The following PDE10A variants were observed in gnomAD, a reference collection of about 807,000 sequenced individuals.
PDE10A encodes the protein phosphodiesterase 10A.
A neutral mutation model predicts 97.7 loss-of-function variants in PDE10A; 39 were observed. That is an observed-to-expected ratio of 0.40 (90% confidence interval 0.31 to 0.52). The LOEUF (loss-of-function observed/expected upper bound fraction) is 0.52. Among genes scored for constraint, PDE10A ranks in the 20% least tolerant of loss-of-function variants. The probability of loss-of-function intolerance (pLI) is 0.56; values close to 1 mark genes in which losing one functional copy is unlikely to be tolerated. For synonymous variants in PDE10A, 371 were observed against 376.8 expected (o/e 0.98, Z 0.18); for missense variants, 731 against 1,047.8 (o/e 0.70, Z 4.17).
chr6:165,635,350 G>T (rs1788823202), intron 1 of PDE10A, among the ~76,000 whole-genome samples: 1 of 152,196 alleles, frequency 6.6e-6, no homozygotes, highest in Non-Finnish European at 1.5e-5. Context: ...TATTTCATTG[G>T]TGGGGGTAGT....
intron 1 of PDE10A, among the ~76,000 whole-genome samples, chr6:165,942,320 GCACA>G (rs367658943): frequency 2.0e-5 from 3 of 150,542 alleles, no homozygotes; most frequent in African/African-American, 7.3e-5. Context: ...ACATATATGC[GCACA>G]CACACACACA....
At chr6:165,815,214 G>A (rs746487085) in intron 1 of PDE10A, among the ~76,000 whole-genome samples, 7 of 152,194 alleles carry the variant, frequency 4.6e-5, no homozygotes, top group East Asian at 1.9e-4. Context: ...CAAATGAATC[G>A]ATCAGTTGAC....
At chr6:165,941,372 A>T (rs1489026629) in intron 1 of PDE10A, among the ~76,000 whole-genome samples, 4 of 151,868 alleles carry the variant, frequency 2.6e-5, no homozygotes, top group Admixed American at 1.3e-4. Flanking sequence ...AGGTGGAGAG[A>T]CTCCCTCCAT....
chr6:165,519,392 G>A (rs956209143), intron 2 of PDE10A, among the ~76,000 whole-genome samples: 2 of 151,266 alleles, frequency 1.3e-5, no homozygotes, highest in South Asian at 2.1e-4. Context: ...TTAAACAAAC[G>A]AACAAATACC....
intron 1 of PDE10A, among the ~76,000 whole-genome samples, chr6:165,790,211 GCATCGTATT>G (rs1778609636): frequency 6.6e-6 from 1 of 152,126 alleles, no homozygotes; most frequent in African/African-American, 2.4e-5. Context: ...AGTAAGGAAG[GCATCGTATT>G]CATCCAATGC....
chr6:165,535,130 G>A (rs1783002709), intron 2 of PDE10A, among the ~76,000 whole-genome samples: 1 of 151,918 alleles, frequency 6.6e-6, no homozygotes, highest in Non-Finnish European at 1.5e-5. Flanking sequence ...ATAATCTGTA[G>A]CATTTCTATA....
rs1047821041 is a variant in PDE10A, at chr6:165,738,618, C to G, written c.-614-195050G>C. Among the ~76,000 whole-genome samples the G allele has an allele frequency of 2.3e-4, 35 of 151,902 alleles. 1 individual carries two copies. Among genetic ancestry groups the G allele is most frequent in the Admixed American group, 1.6e-3 (25 of 15,280 alleles). ...CTTCCACAATGGTTGAACTAGTTTA[C>G]AGTCCCACTAACAGTGTAAAAGTGT... On this transcript the variant is annotated intron_variant, in intron 1 of 19. Coordinates refer to the PDE10A transcript ENST00000366882.
At chr6:165,890,222 C>T (rs921313668) in intron 1 of PDE10A, among the ~76,000 whole-genome samples, 14 of 152,068 alleles carry the variant, frequency 9.2e-5, no homozygotes, top group Non-Finnish European at 1.9e-4. Flanking sequence ...AAAGTCACCC[C>T]CAGACTTTCC....
intron 1 of PDE10A, among the ~76,000 whole-genome samples, chr6:165,582,260 T>C (rs1322160313): frequency 2.6e-5 from 4 of 152,180 alleles, no homozygotes; most frequent in Non-Finnish European, 5.9e-5. Flanking sequence ...ATGTAGGCTG[T>C]TTTGAGTAGT....
chr6:165,750,423 C>T (rs1583035262), intron 1 of PDE10A, among the ~76,000 whole-genome samples: 1 of 152,172 alleles, frequency 6.6e-6, no homozygotes, highest in Non-Finnish European at 1.5e-5. Flanking sequence ...GTACCTGGCC[C>T]CCTGGCTGCT....
chr6:165,839,502 T>C (rs188290017), intron 1 of PDE10A, among the ~76,000 whole-genome samples: 16 of 152,336 alleles, frequency 1.1e-4, no homozygotes, highest in Non-Finnish European at 2.1e-4. Context: ...ATTTACAACT[T>C]CTGGAGAGTT....
intron 1 of PDE10A, among the ~76,000 whole-genome samples, chr6:165,602,438 C>T (rs1210779271): frequency 2.0e-5 from 3 of 152,130 alleles, no homozygotes; most frequent in Admixed American, 6.5e-5. Context: ...CCAGAGTGCC[C>T]TTCCACATGT....
At position 165,710,552 on chromosome 6, in the gene PDE10A, C is replaced by T. The variant is rs1791868988; in HGVS notation, c.-614-166984G>A. Reference sequence around the variant, plus strand: ...CTTAGAAACAGAGAAAAGCACTTTTCGTTTTGTATTTTAGAAAATTTGCTT... The same window carrying T: ...CTTAGAAACAGAGAAAAGCACTTTTTGTTTTGTATTTTAGAAAATTTGCTT... On this transcript the variant is annotated intron_variant, in intron 1 of 19. Transcript: ENST00000366882. Among the ~76,000 whole-genome samples, 9 of 152,138 alleles carry T rather than the reference C, an allele frequency of 5.9e-5. No homozygotes were observed. The South Asian group carries it at 1.9e-3, about 32-fold the overall frequency.
In PDE10A at chr6:165,938,364, C is replaced by T. The variant is rs868868580; in HGVS notation, c.-615+49165G>A. ...TTGTCTCCAACTAGAATAAAGGCAACATCCACTCATATCTCTTGTTGTTTT... is the reference window on the plus strand; with the variant it reads ...TTGTCTCCAACTAGAATAAAGGCAATATCCACTCATATCTCTTGTTGTTTT... On this transcript the variant is annotated intron_variant, in intron 1 of 19. Coordinates refer to the PDE10A transcript ENST00000366882. 2.6e-5 allele frequency among the ~76,000 whole-genome samples: 4 copies of T among 152,358 alleles called. No homozygotes were observed. The South Asian group carries it at 8.3e-4, about 32-fold the overall frequency.
At chr6:165,951,004 G>C (rs545559135) in intron 1 of PDE10A, among the ~76,000 whole-genome samples, 21 of 152,148 alleles carry the variant, frequency 1.4e-4, no homozygotes, top group Admixed American at 7.9e-4. Context: ...TAAAAATGTG[G>C]GTTATCTTGG....
At chr6:165,338,011 G>C (rs1781749920) in intron 20 of PDE10A, among the ~76,000 whole-genome samples, 1 of 152,178 alleles carries the variant, frequency 6.6e-6, no homozygotes, top group Non-Finnish European at 1.5e-5. Flanking sequence ...CACCGAACAG[G>C]AATGACTAAC....
At position 165,358,892 on chromosome 6, in the gene PDE10A, C is replaced by CT. The variant is rs547909954; in HGVS notation, c.2784-15391dup. On this transcript the variant is annotated intron_variant, in intron 18 of 21. Transcript: ENST00000539869. ...GGGAAACTGTAAAAAGAGCAAATCT[C>CT]TTTTTTTTACTCTTTTTACAGTTTC... is the stretch of plus-strand genomic sequence containing the variant. Among the ~76,000 whole-genome samples the CT allele has an allele frequency of 1.5e-4, 23 of 151,262 alleles. 1 individual carries two copies. The highest frequency in any genetic ancestry group is 6.6e-4 in the Admixed American group (10 of 15,198).
At chr6:165,416,976 T>C (rs1485017481) in intron 11 of PDE10A, among the ~76,000 whole-genome samples, 2 of 151,624 alleles carry the variant, frequency 1.3e-5, no homozygotes, top group African/African-American at 4.9e-5. Context: ...CTCATTACTA[T>C]ACCATCATCA....
chr6:165,762,103 G>C (rs919961676), intron 1 of PDE10A, among the ~76,000 whole-genome samples: 2 of 152,234 alleles, frequency 1.3e-5, no homozygotes, highest in Middle Eastern at 3.4e-3. Flanking sequence ...AGATTGCTAC[G>C]TCTGAACAAT....
Sources: gnomAD v4.1 joint callset for allele counts (sites outside exome capture counted in the v4.1 genomes callset) on GRCh38, gnomAD v4.1.1 for gene constraint, MANE v1.5 for transcripts, NCBI Gene and HGNC (gene_info 2026-07-23, HGNC 2026-07-21) for gene names.